DGKI: variants seen among roughly 807,000 people sequenced by gnomAD.
DGKI encodes the protein diacylglycerol kinase iota.
Under a neutral mutation model 147.5 loss-of-function variants are expected in DGKI, and 55 were observed. That is an observed-to-expected ratio of 0.37 (90% CI 0.30 to 0.47). The LOEUF (loss-of-function observed/expected upper bound fraction) is 0.47. Ranked by LOEUF, DGKI falls within the 20% of genes least tolerant of loss-of-function variation. The pLI, the probability that DGKI is intolerant of heterozygous loss-of-function variation, is 1.00. For missense variants in DGKI, 1,007 were observed against 1,323.8 expected, an observed-to-expected ratio of 0.76 and a Z score of 3.71; for synonymous variants, 469 against 477.1, an observed-to-expected ratio of 0.98 and a Z score of 0.22.
chr7:137,696,322 A>T (rs767536712), intron 1 of DGKI, among the ~76,000 whole-genome samples: 1 of 151,380 alleles, frequency 6.6e-6, no homozygotes, highest in African/African-American at 2.4e-5. Flanking sequence ...AGCACCGCAC[A>T]CTTTCCTCAG....
intron 1 of DGKI, among the ~76,000 whole-genome samples, chr7:137,825,914 T>C (rs192277701): frequency 2.0e-5 from 3 of 151,652 alleles, no homozygotes; most frequent in Admixed American, 2.0e-4. Context: ...AAACTGCCTC[T>C]ATTAAGTAAC....
At chr7:137,620,332 T>C (rs1488600796) in intron 7 of DGKI, among the ~76,000 whole-genome samples, 1 of 152,196 alleles carries the variant, frequency 6.6e-6, no homozygotes, top group Non-Finnish European at 1.5e-5. Context: ...GCACAAAATG[T>C]TCACATACAC....
At chr7:137,396,741 G>C (rs1176929319) in intron 31 of DGKI, among the ~76,000 whole-genome samples, 8 of 152,170 alleles carry the variant, frequency 5.3e-5, no homozygotes, top group Admixed American at 4.6e-4. Context: ...TTCAGGATTA[G>C]TTGTACAGCC....
intron 20 of DGKI, among the ~76,000 whole-genome samples, chr7:137,544,975 G>T (rs527927623): frequency 6.6e-6 from 1 of 152,162 alleles, no homozygotes; most frequent in Non-Finnish European, 1.5e-5. Flanking sequence ...ATTCAAGTGG[G>T]CCTTGAGAAA....
intron 21 of DGKI, 41 bp downstream of exon 21, chr7:137,521,825 T>A (rs73449415): frequency 7.1e-7 from 1 of 1,410,544 alleles, no homozygotes. Flanking sequence ...AAGCTGAAGA[T>A]AGGCTGATCG....
At chr7:137,444,158 C>A in intron 27 of DGKI, 56 bp from the exon 28 acceptor site, 1 of 1,062,634 alleles carries the variant, frequency 9.4e-7, no homozygotes. Context: ...TAATGATAAT[C>A]AAGAATAATT....
chr7:137,775,316 C>T (rs1398205991), intron 1 of DGKI, among the ~76,000 whole-genome samples: 1 of 152,128 alleles, frequency 6.6e-6, no homozygotes, highest in African/African-American at 2.4e-5. Flanking sequence ...TATCAAAATT[C>T]GATAGGCAGG....
intron 1 of DGKI, among the ~76,000 whole-genome samples, chr7:137,783,917 A>G (rs1224571640): frequency 2.0e-5 from 3 of 152,232 alleles, no homozygotes; most frequent in Admixed American, 2.0e-4. Context: ...TTTTCCAGAC[A>G]AACAAATGCT....
chr7:137,507,658 AGGACTTTCTGGTGCTGG>A (rs1816414439), intron 21 of DGKI, among the ~76,000 whole-genome samples: 1 of 152,216 alleles, frequency 6.6e-6, no homozygotes, highest in Non-Finnish European at 1.5e-5. Context: ...ACGGGTTTTA[AGGACTTTCTGGTGCTGG>A]GGACAACTCT....
At chr7:137,733,011 C>A (rs753945905) in intron 1 of DGKI, among the ~76,000 whole-genome samples, 1 of 152,024 alleles carries the variant, frequency 6.6e-6, no homozygotes, top group Admixed American at 6.6e-5. Flanking sequence ...TTTAGCAAAT[C>A]CAATAGGCAT....
chr7:137,595,800 G>A (rs963021588), intron 12 of DGKI, among the ~76,000 whole-genome samples: 17 of 151,722 alleles, frequency 1.1e-4, no homozygotes, highest in Admixed American at 3.3e-4. Context: ...TCAGGAGATC[G>A]AGACCATCCT....
rs865875103 is a variant in DGKI, at chr7:137,428,604, T to G, written c.2761+15473A>C. Reference sequence around the variant, plus strand: ...GGGTATTCAATTAGGAAAAGAGGAATTCAAATTGTCCCTTTTTGCAGATGA... The same window carrying G: ...GGGTATTCAATTAGGAAAAGAGGAAGTCAAATTGTCCCTTTTTGCAGATGA... On this transcript the variant is annotated intron_variant, in intron 28 of 32. Coordinates refer to ENST00000614521, the MANE Select transcript of DGKI (RefSeq NM_001321708.2). Among the ~76,000 whole-genome samples, 947 of 152,198 alleles carry G rather than the reference T, an allele frequency of 6.2e-3. 11 individuals carry two copies. The highest frequency in any genetic ancestry group is 0.017 in the African/African-American group (708 of 41,520).
At chr7:137,621,859 C>T (rs191946773) in intron 7 of DGKI, among the ~76,000 whole-genome samples, 69 of 152,272 alleles carry the variant, frequency 4.5e-4, no homozygotes, top group African/African-American at 1.1e-3. Flanking sequence ...CAGATGCAGC[C>T]GATCTGAGCA....
intron 28 of DGKI, among the ~76,000 whole-genome samples, chr7:137,437,082 T>G (rs940084659): frequency 2.0e-5 from 3 of 152,200 alleles, no homozygotes; most frequent in Non-Finnish European, 4.4e-5. Flanking sequence ...GCACTCACTT[T>G]GGGATCAGGA....
chr7:137,577,685 C>A (rs368960724), intron 16 of DGKI, among the ~76,000 whole-genome samples: 6 of 152,162 alleles, frequency 3.9e-5, no homozygotes, highest in Admixed American at 3.9e-4. Flanking sequence ...AGCTCCCAAA[C>A]GCCTTTTATT....
intron 8 of DGKI, among the ~76,000 whole-genome samples, chr7:137,619,252 G>A (rs772439641): frequency 9.9e-5 from 15 of 152,164 alleles, no homozygotes; most frequent in Non-Finnish European, 1.9e-4. Flanking sequence ...ATACTCACAA[G>A]GACAGGAAGT....
chr7:137,831,272 T>G (rs1798211594), intron 1 of DGKI, among the ~76,000 whole-genome samples: 1 of 152,186 alleles, frequency 6.6e-6, no homozygotes, highest in Admixed American at 6.5e-5. Context: ...CGGGAAGATG[T>G]TGGATAGTTC....
At chr7:137,663,429 C>G (rs1428406963) in intron 3 of DGKI, among the ~76,000 whole-genome samples, 1 of 152,142 alleles carries the variant, frequency 6.6e-6, no homozygotes, top group African/African-American at 2.4e-5. Flanking sequence ...TATGTATATT[C>G]AAAAAAATCA....
chr7:137,838,575 T>C (rs1329962702), intron 1 of DGKI, among the ~76,000 whole-genome samples: 1 of 152,200 alleles, frequency 6.6e-6, no homozygotes, highest in African/African-American at 2.4e-5. Context: ...ATGACACATT[T>C]TTAAAATGTA....
Sources: gnomAD v4.1 joint callset for allele counts (sites outside exome capture counted in the v4.1 genomes callset) on GRCh38, gnomAD v4.1.1 for gene constraint, MANE v1.5 for transcripts, NCBI Gene and HGNC (gene_info 2026-07-23, HGNC 2026-07-21) for gene names.